GTF2F1: variants seen among roughly 807,000 people sequenced by gnomAD.
The protein encoded by GTF2F1 is general transcription factor IIF subunit 1, also known as general transcription factor IIF 74 kDa subunit.
Under a neutral mutation model 63.5 loss-of-function variants are expected in GTF2F1, and 39 were observed. The ratio of observed to expected loss-of-function variants is 0.61; its 90% CI spans 0.48 to 0.80. The LOEUF (loss-of-function observed/expected upper bound fraction) is 0.80. GTF2F1 is among the 30% of genes least tolerant of loss of function. The pLI, the probability that GTF2F1 is intolerant of heterozygous loss-of-function variation, is 0.00. For missense variants in GTF2F1, 657 were observed against 718.3 expected, an observed-to-expected ratio of 0.91 and a Z score of 0.97; for synonymous variants, 287 against 285.3, an observed-to-expected ratio of 1.01 and a Z score of -0.06.
intron 5 of GTF2F1, among the ~76,000 whole-genome samples, chr19:6,384,766 C>A (rs2091967905): frequency 6.6e-6 from 1 of 151,874 alleles, no homozygotes. Context: ...GAGACACCAT[C>A]ACCATTTGTT....
chr19:6,380,121 GC>G lies in GTF2F1; in HGVS notation c.*159del. 2.8e-6 allele frequency: 2 copies of G among 709,662 alleles called. No homozygotes were observed. The highest frequency in any genetic ancestry group is 5.0e-5 in the East Asian group (2 of 40,244). The allele number at this position is 709,662 out of a possible 1,614,324, so 44.0% of individuals were successfully genotyped here. A position where few individuals can be genotyped will look rare whatever the true frequency, so the allele number is the denominator to read the frequency against. On this transcript the variant is annotated 3_prime_UTR_variant, in exon 13 of 13. Transcript: ENST00000394456. This position sits in a 1 kb window ranked among gnomAD's most constrained non-coding sequence, Gnocchi z 5.3. The stretch of plus-strand genomic sequence containing the variant: ...CTTTTCCAGAATTGCTAACTACGGG[GC>G]CCTGGGAGTCAGGGAGCAAGCAGGA...
chr19:6,390,883 AT>A (rs1413618343), intron 3 of GTF2F1, among the ~76,000 whole-genome samples: 1 of 152,174 alleles, frequency 6.6e-6, no homozygotes, highest in African/African-American at 2.4e-5. Context: ...TCACAAAAAA[AT>A]AAAATAAAAT....
At position 6,381,729 on chromosome 19, in the gene GTF2F1, G is replaced by T. The variant is rs2091952771; in HGVS notation, c.804C>A (p.Gly268=). Residue 268 remains glycine (G), a synonymous_variant, in exon 7 of 13, where the codon GGC becomes GGA. Transcript: ENST00000394456. The surrounding 1 kb of genome is among the most constrained non-coding windows in gnomAD (Gnocchi z 4.1). Reference sequence around the variant, plus strand: ...CGTCTGACATGTAGTCCACCTCTTGGCCCTCGAAGTCCCCATCATCGCTGT... The same window carrying T: ...CGTCTGACATGTAGTCCACCTCTTGTCCCTCGAAGTCCCCATCATCGCTGT... ...FEDSDDGDFE[G]QEVDYMSDGS... 6.2e-7 allele frequency: 1 copy of T among 1,614,046 alleles called. No homozygotes were observed. Among genetic ancestry groups the T allele is most frequent in the African/African-American group, 1.3e-5 (1 of 74,928 alleles).
chr19:6,392,732 C>T (rs749650672), intron 2 of GTF2F1, 125 bp downstream of exon 2: 7 of 948,728 alleles, frequency 7.4e-6, no homozygotes, highest in Non-Finnish European at 1.2e-5. Flanking sequence ...CAGCCCTGCC[C>T]TCCAAGTCTC....
chr19:6,385,194 AGAC>A (rs1318660085), intron 5 of GTF2F1, among the ~76,000 whole-genome samples: 1 of 151,998 alleles, frequency 6.6e-6, no homozygotes, highest in South Asian at 2.1e-4. Context: ...CAGGAGTTGG[AGAC>A]CAGCCTGGGC....
chr19:6,386,387 C>CA (rs201531408), intron 5 of GTF2F1, among the ~76,000 whole-genome samples: 48 of 143,220 alleles, frequency 3.4e-4, no homozygotes, highest in Non-Finnish European at 5.6e-4. Context: ...AAACTCAGTT[C>CA]AAAAAAAAAC....
chr19:6,387,378 AG>A lies in GTF2F1; in HGVS notation c.497+10del, dbSNP rs747874527. 1.9e-5 allele frequency: 30 copies of A among 1,612,968 alleles called. No individual in the cohort carries two copies. In the South Asian group the frequency reaches 3.1e-4, roughly 17 times the overall value. On this transcript the variant is annotated intron_variant, in intron 5 of 12. Coordinates refer to ENST00000394456, the MANE Select transcript of GTF2F1 (RefSeq NM_002096.3). ...TCACTTCTGTCCCCAGCCACCACCC[AG>A]CCCACTCACCTCTCCCACTCCTCCT... is the stretch of plus-strand genomic sequence containing the variant.
chr19:6,381,573 C>CTGCG lies in GTF2F1; in HGVS notation c.875_878dup (p.Gln293HisfsTer12), dbSNP rs2091951609. 1 of 1,613,500 alleles carries CTGCG rather than the reference C, an allele frequency of 6.2e-7. No individual in the cohort carries two copies. The highest frequency in any genetic ancestry group is 1.1e-5 in the South Asian group (1 of 91,092). ...GCCTACCCTTGGGCCCCTCCTCCTG[C>CTGCG]TGCGGCGCCTTGGCCTTGCTCTCAG... is the stretch of plus-strand genomic sequence containing the variant. On this transcript the variant is annotated frameshift_variant, in exon 8 of 13. Coordinates refer to ENST00000394456, the MANE Select transcript of GTF2F1 (RefSeq NM_002096.3). LOFTEE classifies it high-confidence loss of function. This position sits in a 1 kb window ranked among gnomAD's most constrained non-coding sequence, Gnocchi z 4.1.
At position 6,380,383 on chromosome 19, in the gene GTF2F1, C is replaced by G; in HGVS notation, c.1452G>C (p.Leu484=). The G allele has an allele frequency of 2.5e-6, 4 of 1,614,142 alleles. No homozygotes were observed. Among genetic ancestry groups the G allele is most frequent in the Non-Finnish European group, 3.4e-6 (4 of 1,180,016 alleles). ...ACACGTTCACTGTCTGCTCGCTGCT[C>G]AGCCCTGTCTTCTTGGTCTGGAACT... ...LKKFQTKKTG[L]SSEQTVNVLA... Residue 484 remains leucine (L), a synonymous_variant, in exon 13 of 13, where the codon CTG becomes CTC. Transcript: ENST00000394456. The surrounding 1 kb of genome is among the most constrained non-coding windows in gnomAD (Gnocchi z 5.3).
In GTF2F1 at chr19:6,389,466, C is replaced by G. The variant is rs574474784; in HGVS notation, c.304G>C (p.Val102Leu). 1.2e-6 allele frequency: 2 copies of G among 1,613,888 alleles called. No homozygotes were observed. Among genetic ancestry groups the G allele is most frequent in the Non-Finnish European group, 1.7e-6 (2 of 1,179,948 alleles). ...RPEDQPWLLR[V>L]NGKSGRKFKG... Reference sequence around the variant, plus strand: ...TACTTCCTGCCTGATTTGCCGTTGACCCGGAGCAGCCAGGGCTGGTCCTCG... The same window carrying G: ...TACTTCCTGCCTGATTTGCCGTTGAGCCGGAGCAGCCAGGGCTGGTCCTCG... Residue 102 changes from valine (V) to leucine (L), a missense_variant, in exon 4 of 13, where the codon GTC becomes CTC. Around this residue, in one of 2 missense-constraint regions of GTF2F1, gnomAD observed 602 missense variants for 625.6 expected, o/e 0.96. Coordinates refer to ENST00000394456, the MANE Select transcript of GTF2F1 (RefSeq NM_002096.3).
Position 6,383,423 on chromosome 19 carries a change from A to C in GTF2F1, c.570T>G (p.Asp190Glu), listed in dbSNP as rs200251922. Residue 190 changes from aspartate (D) to glutamate (E), a missense_variant, in exon 6 of 13, where the codon GAT (aspartate) becomes GAG (glutamate). Asp to Glu is a conservative substitution (Grantham distance 45). Coordinates refer to ENST00000394456, the MANE Select transcript of GTF2F1 (RefSeq NM_002096.3). This position sits in a 1 kb window ranked among gnomAD's most constrained non-coding sequence, Gnocchi z 4.5. ...GGCCACGTTTCTCCTTCTCCTCCTC[A>C]TCCTCGTCCTGGTCCTGATCCTTGA... Reference protein sequence around the residue: ...RRLKDQDQDEDEEEKEKRGRR... With the variant: ...RRLKDQDQDEEEEEKEKRGRR... 1.2e-6 allele frequency: 2 copies of C among 1,613,886 alleles called. No homozygotes were observed. Among genetic ancestry groups the C allele is most frequent in the Non-Finnish European group, 1.7e-6 (2 of 1,179,950 alleles).
chr19:6,384,327 G>A (rs1388875191), intron 5 of GTF2F1, among the ~76,000 whole-genome samples: 3 of 151,196 alleles, frequency 2.0e-5, no homozygotes, highest in East Asian at 4.0e-4. Context: ...GAACAACATG[G>A]TGAAACCTCA....
At position 6,392,848 on chromosome 19, in the gene GTF2F1, G is replaced by C. The variant is rs2092006357; in HGVS notation, c.59+9C>G. ...TGGAGAGGAGTGGGAGATGGGGCTG[G>C]GGACTTACTTAGGAACTCGAACGAC... On this transcript the variant is annotated intron_variant, in intron 2 of 12. Transcript: ENST00000394456. The C allele has an allele frequency of 1.2e-6, 2 of 1,613,010 alleles. No homozygotes were observed. Among genetic ancestry groups the C allele is most frequent in the Admixed American group, 1.7e-5 (1 of 59,982 alleles).
chr19:6,383,786 T>C lies in GTF2F1; in HGVS notation c.498-291A>G, dbSNP rs2091964296. Among the ~76,000 whole-genome samples the C allele has an allele frequency of 2.0e-5, 3 of 152,158 alleles. No individual in the cohort carries two copies. Among genetic ancestry groups the C allele is most frequent in the Admixed American group, 6.6e-5 (1 of 15,262 alleles). On this transcript the variant is annotated intron_variant, in intron 5 of 12. Coordinates refer to ENST00000394456, the MANE Select transcript of GTF2F1 (RefSeq NM_002096.3). This position sits in a 1 kb window ranked among gnomAD's most constrained non-coding sequence, Gnocchi z 4.5. ...CAATCCAGTCACACTGGTTTCTTGCTATTTTTTATTATTATTTTTTTATTT... is the reference window on the plus strand; with the variant it reads ...CAATCCAGTCACACTGGTTTCTTGCCATTTTTTATTATTATTTTTTTATTT...
chr19:6,386,403 A>C (rs201260066), intron 5 of GTF2F1, among the ~76,000 whole-genome samples: 2 of 119,218 alleles, frequency 1.7e-5, no homozygotes, highest in Non-Finnish European at 3.3e-5. Flanking sequence ...AAAACACACA[A>C]ACAAACAAAC....
At position 6,393,033 on chromosome 19, in the gene GTF2F1, GTTCCT is replaced by G. The variant is rs777522990; in HGVS notation, c.-43_-39del. 6.2e-6 allele frequency: 10 copies of G among 1,612,698 alleles called. No individual in the cohort carries two copies. The highest frequency in any genetic ancestry group is 8.5e-6 in the Non-Finnish European group (10 of 1,179,858). ...GTGGTTCCGATCTGGTCCGACCCGG[GTTCCT>G]TTCGTCTCCTCTGGCGTGCGCGTCC... On this transcript the variant is annotated 5_prime_UTR_variant, in exon 1 of 13. Transcript: ENST00000394456.
chr19:6,380,266 G>A lies in GTF2F1; in HGVS notation c.*15C>T. On this transcript the variant is annotated 3_prime_UTR_variant, in exon 13 of 13. Transcript: ENST00000394456. The surrounding 1 kb of genome is among the most constrained non-coding windows in gnomAD (Gnocchi z 5.3). ...CTTAAGTTCTGGGGGGCAGAGCCAT[G>A]TATTGGACCAAGCCTCACTCCTTGA... The A allele has an allele frequency of 6.2e-7, 1 of 1,606,560 alleles. No individual in the cohort carries two copies. Among genetic ancestry groups the A allele is most frequent in the Non-Finnish European group, 8.5e-7 (1 of 1,173,134 alleles).
chr19:6,385,130 C>A (rs1003191765), intron 5 of GTF2F1, among the ~76,000 whole-genome samples: 1 of 152,018 alleles, frequency 6.6e-6, no homozygotes, highest in Non-Finnish European at 1.5e-5. Context: ...CACCATGGCT[C>A]ACACCTGTAA....
At position 6,390,187 on chromosome 19, in the gene GTF2F1, G is replaced by A. The variant is rs140643020; in HGVS notation, c.133-550C>T. 1,342 of 153,460 alleles carry A rather than the reference G, an allele frequency of 8.7e-3. 23 individuals carry two copies. Among genetic ancestry groups the A allele is most frequent in the South Asian group, 0.028 (136 of 4,912 alleles). The allele number at this position is 153,460 out of a possible 1,614,324, so 9.5% of individuals were successfully genotyped here. A position where few individuals can be genotyped will look rare whatever the true frequency, so the allele number is the denominator to read the frequency against. ...TCAGAATGGCTTGAACCTGGGAGGCGGAGGTTGCAGTGAGCCGAGATCATG... is the reference window on the plus strand; with the variant it reads ...TCAGAATGGCTTGAACCTGGGAGGCAGAGGTTGCAGTGAGCCGAGATCATG... On this transcript the variant is annotated intron_variant, in intron 3 of 12. Coordinates refer to ENST00000394456, the MANE Select transcript of GTF2F1 (RefSeq NM_002096.3).
Sources: allele counts gnomAD v4.1 joint callset (sites outside exome capture counted in the v4.1 genomes callset), GRCh38; gene constraint gnomAD v4.1.1; regional missense constraint gnomAD v4.1.1; non-coding constraint Gnocchi (gnomAD v3.1); transcripts MANE v1.5; gene names NCBI Gene and HGNC (gene_info 2026-07-23, HGNC 2026-07-21).